Variants in LINGO2 observed in about 807,000 individuals in gnomAD.
LINGO2 encodes the protein leucine rich repeat and Ig domain containing 2, also known as leucine-rich repeat and immunoglobulin-like domain-containing nogo receptor-interacting protein 2.
In LINGO2, 14 loss-of-function variants were observed where a neutral mutation model predicts 30.6. The observed-to-expected ratio is 0.46, with a 90% CI of 0.30 to 0.72. The LOEUF is 0.72. Among genes scored for constraint, LINGO2 ranks in the 30% least tolerant of loss-of-function variants. The pLI, the probability that LINGO2 is intolerant of heterozygous loss-of-function variation, is 0.07. For synonymous variants in LINGO2, 317 were observed against 288.5 expected, an observed-to-expected ratio of 1.10 and a Z score of -1.00; for missense variants, 729 against 751.7, an observed-to-expected ratio of 0.97 and a Z score of 0.35.
At chr9:27,995,013 A>T (rs1821587257) in intron 5 of LINGO2, among the ~76,000 whole-genome samples, 1 of 152,190 alleles carries the variant, frequency 6.6e-6, no homozygotes, top group Non-Finnish European at 1.5e-5. Context: ...ACTAATAACC[A>T]GGATTCCTGA....
intron 4 of LINGO2, among the ~76,000 whole-genome samples, chr9:28,240,911 T>G (rs1339142526): frequency 6.6e-6 from 1 of 152,010 alleles, no homozygotes; most frequent in Admixed American, 6.6e-5. Context: ...GGAGAAAATA[T>G]TTGCAAACTA....
At chr9:28,490,107 T>C (rs147140140) in intron 1 of LINGO2, among the ~76,000 whole-genome samples, 1 of 152,002 alleles carries the variant, frequency 6.6e-6, no homozygotes, top group African/African-American at 2.4e-5. Context: ...AGTAAAAAGG[T>C]ATATGGTGTG....
rs564942271 is a variant in LINGO2, at chr9:28,147,440, C to G, written c.-86-135035G>C. Among the ~76,000 whole-genome samples, 22 of 152,200 alleles carry G rather than the reference C, an allele frequency of 1.4e-4. No homozygotes were observed. Reference sequence around the variant, plus strand: ...GTTCTCTCTTTGGAAACCTGTGGAGCGAGGCTGGTGGCCCTTGAGGCCACG... The same window carrying G: ...GTTCTCTCTTTGGAAACCTGTGGAGGGAGGCTGGTGGCCCTTGAGGCCACG... On this transcript the variant is annotated intron_variant, in intron 4 of 5. Coordinates refer to ENST00000379992, the Ensembl canonical transcript of LINGO2. This position sits in a 1 kb window ranked among gnomAD's most constrained non-coding sequence, Gnocchi z 4.7.
chr9:28,854,807 C>A, the LINGO2 span, among the ~76,000 whole-genome samples: 6 of 151,776 alleles, frequency 4.0e-5, no homozygotes, highest in African/African-American at 1.2e-4. Flanking sequence ...CTGTTAGCTG[C>A]CAAAATTTGC....
intron 4 of LINGO2, among the ~76,000 whole-genome samples, chr9:28,222,213 C>G (rs1820989622): frequency 6.6e-6 from 1 of 152,114 alleles, no homozygotes; most frequent in South Asian, 2.1e-4. Context: ...CTGAATTCAA[C>G]TGTGATAAAA....
intron 3 of LINGO2, among the ~76,000 whole-genome samples, chr9:28,345,776 A>G (rs529479956): frequency 2.6e-5 from 4 of 152,302 alleles, no homozygotes; most frequent in African/African-American, 4.8e-5. Flanking sequence ...TATGTATAAA[A>G]TGTTAATGCT....
At chr9:28,430,107 C>CGTGTGTGTGT (rs112852261) in intron 2 of LINGO2, among the ~76,000 whole-genome samples, 33 of 18,228 alleles carry the variant, frequency 1.8e-3, no homozygotes, top group Middle Eastern at 0.05. Context: ...CGCGCGCGCG[C>CGTGTGTGTGT]GCGTGTGTGT....
the LINGO2 span, among the ~76,000 whole-genome samples, chr9:28,898,189 G>A: frequency 6.6e-6 from 1 of 152,030 alleles, no homozygotes; most frequent in Non-Finnish European, 1.5e-5. Context: ...AAGCTACTTT[G>A]AATAAACCTT....
chr9:28,464,296 A>G lies in LINGO2; in HGVS notation c.-279+11644T>C, dbSNP rs142346652. The stretch of plus-strand genomic sequence containing the variant: ...CTGTTTATCTGCCAAGAAAGTAGTT[A>G]TAATCAGAAGGCTTTTCCATGTTCA... On this transcript the variant is annotated intron_variant, in intron 2 of 5. Coordinates refer to ENST00000379992, the Ensembl canonical transcript of LINGO2. Among the ~76,000 whole-genome samples, 176 of 152,356 alleles carry G rather than the reference A, an allele frequency of 1.2e-3. 2 individuals are homozygous for G. The highest frequency in any genetic ancestry group is 4.1e-3 in the African/African-American group (169 of 41,590).
the LINGO2 span, among the ~76,000 whole-genome samples, chr9:28,927,761 T>A: frequency 6.6e-6 from 1 of 152,232 alleles, no homozygotes; most frequent in Non-Finnish European, 1.5e-5. Context: ...TAGGCATTTA[T>A]ATATGTTAAT....
the LINGO2 span, among the ~76,000 whole-genome samples, chr9:28,975,688 G>C: frequency 6.6e-6 from 1 of 152,058 alleles, no homozygotes; most frequent in South Asian, 2.1e-4. Context: ...TTTCATCAAC[G>C]TAAGGACCTT....
chr9:28,538,030 T>C (rs1821510635), intron 1 of LINGO2, among the ~76,000 whole-genome samples: 1 of 151,934 alleles, frequency 6.6e-6, no homozygotes, highest in Non-Finnish European at 1.5e-5. Context: ...AGTGAAAAAA[T>C]AGATTTTAAG....
the LINGO2 span, among the ~76,000 whole-genome samples, chr9:28,919,958 T>C: frequency 3.9e-5 from 6 of 152,196 alleles, no homozygotes; most frequent in African/African-American, 1.4e-4. Flanking sequence ...CTATACTTTA[T>C]ATGAGATCAG....
the LINGO2 span, among the ~76,000 whole-genome samples, chr9:28,693,029 G>T: frequency 9.2e-5 from 14 of 152,004 alleles, no homozygotes; most frequent in Non-Finnish European, 1.8e-4. Context: ...GAAAAAAATT[G>T]TCATTTTTTT....
chr9:28,833,013 T>C, the LINGO2 span, among the ~76,000 whole-genome samples: 9 of 152,204 alleles, frequency 5.9e-5, no homozygotes, highest in Middle Eastern at 0.017. Flanking sequence ...GATGGACTGG[T>C]CTTTAAGTGT....
the LINGO2 span, among the ~76,000 whole-genome samples, chr9:28,874,793 C>T: frequency 6.6e-6 from 1 of 152,110 alleles, no homozygotes; most frequent in East Asian, 1.9e-4. Context: ...CCAAATCTAG[C>T]TTTTGGTAGT....
chr9:28,232,095 C>A (rs1205467478), intron 4 of LINGO2, among the ~76,000 whole-genome samples: 2 of 151,858 alleles, frequency 1.3e-5, no homozygotes. Context: ...TAGAACTTCC[C>A]ATATTTAAAA....
At chr9:28,714,742 G>A in the LINGO2 span, among the ~76,000 whole-genome samples, 2 of 151,926 alleles carry the variant, frequency 1.3e-5, no homozygotes, top group African/African-American at 4.8e-5. Context: ...TGAGTCACTG[G>A]AATAAAAATG....
chr9:28,915,057 G>A, the LINGO2 span, among the ~76,000 whole-genome samples: 5 of 152,096 alleles, frequency 3.3e-5, no homozygotes, highest in Non-Finnish European at 5.9e-5. Context: ...GCTTGAACCC[G>A]GGAGGCGGAG....
Sources: gnomAD v4.1 joint callset for allele counts (sites outside exome capture counted in the v4.1 genomes callset) on GRCh38, gnomAD v4.1.1 for gene constraint, Gnocchi (gnomAD v3.1) non-coding constraint, MANE v1.5 for transcripts, NCBI Gene and HGNC (gene_info 2026-07-23, HGNC 2026-07-21) for gene names.